Variants in CDH18 observed in about 807,000 individuals in gnomAD.
CDH18 encodes the protein cadherin-18.
Under a neutral mutation model 67.9 loss-of-function variants are expected in CDH18, and 31 were observed. The ratio of observed to expected loss-of-function variants is 0.46; its 90% confidence interval spans 0.34 to 0.62. The LOEUF (loss-of-function observed/expected upper bound fraction) is 0.62, where lower values mean the gene tolerates loss of function less well. Ranked by LOEUF, CDH18 falls within the 20% of genes least tolerant of loss-of-function variation. The probability of loss-of-function intolerance (pLI) is 0.01; values close to 1 mark genes in which losing one functional copy is unlikely to be tolerated. For synonymous variants in CDH18, 362 were observed against 347.2 expected (o/e 1.04, Z -0.48); for missense variants, 890 against 975.5 (o/e 0.91, Z 1.17).
chr5:19,947,915 T>C (rs953301116), intron 2 of CDH18, among the ~76,000 whole-genome samples: 2 of 152,086 alleles, frequency 1.3e-5, no homozygotes, highest in Non-Finnish European at 2.9e-5. Flanking sequence ...TATAATAAAC[T>C]CTCAAATCTC....
At chr5:20,096,814 G>A (rs1746029344) in intron 2 of CDH18, among the ~76,000 whole-genome samples, 3 of 151,906 alleles carry the variant, frequency 2.0e-5, no homozygotes, top group South Asian at 4.2e-4. Flanking sequence ...AGACCCAATG[G>A]GACAAATGAT....
chr5:19,692,536 A>T lies in CDH18; in HGVS notation c.643+28811T>A, dbSNP rs186542676. Among the ~76,000 whole-genome samples, 30 of 152,160 alleles carry T rather than the reference A, an allele frequency of 2.0e-4. 1 individual carries two copies. Among genetic ancestry groups the T allele is most frequent in the Admixed American group, 1.4e-3 (21 of 15,286 alleles). On this transcript the variant is annotated intron_variant, in intron 5 of 12. Transcript: ENST00000382275. ...GTAAGAAACTCAAATAATTCAGCGGAAAAAAACAAATGATCTAATTAAAAA... is the reference window on the plus strand; with the variant it reads ...GTAAGAAACTCAAATAATTCAGCGGTAAAAAACAAATGATCTAATTAAAAA...
In CDH18 at chr5:20,423,929, T is replaced by G. The variant is rs1295768640; in HGVS notation, c.-580+151533A>C. On this transcript the variant is annotated intron_variant, in intron 1 of 14. Transcript: ENST00000507958. Reference sequence around the variant, plus strand: ...GCCACTGCACTCCAGCCTGGGCGACTGAGCGAGACTCCGTCTCAAAAAAAA... The same window carrying G: ...GCCACTGCACTCCAGCCTGGGCGACGGAGCGAGACTCCGTCTCAAAAAAAA... Among the ~76,000 whole-genome samples, 4 of 109,984 alleles carry G rather than the reference T, an allele frequency of 3.6e-5. 1 individual carries two copies. The Admixed American group carries it at 5.4e-4, about 15-fold the overall frequency. The allele number at this position is 109,984 out of a possible 152,430, so 72.2% of individuals were successfully genotyped here.
At chr5:20,408,717 G>A (rs985549738) in intron 1 of CDH18, among the ~76,000 whole-genome samples, 3 of 151,778 alleles carry the variant, frequency 2.0e-5, no homozygotes, top group Non-Finnish European at 2.9e-5. Context: ...TTCATGAGAT[G>A]GGCATAGTAA....
chr5:20,307,845 C>T (rs1736607166), intron 1 of CDH18, among the ~76,000 whole-genome samples: 1 of 152,000 alleles, frequency 6.6e-6, no homozygotes, highest in Admixed American at 6.6e-5. Flanking sequence ...GACACAGGGT[C>T]TAATATTATT....
intron 12 of CDH18, among the ~76,000 whole-genome samples, chr5:19,479,239 T>C (rs1738992856): frequency 6.6e-6 from 1 of 152,162 alleles, no homozygotes; most frequent in South Asian, 2.1e-4. Flanking sequence ...ATAGCCATTT[T>C]CACAAACAAG....
chr5:19,937,487 G>T (rs1159526855), intron 2 of CDH18, among the ~76,000 whole-genome samples: 2 of 151,328 alleles, frequency 1.3e-5, no homozygotes, highest in Non-Finnish European at 3.0e-5. Context: ...AAAATAAACA[G>T]ACATTACAAT....
chr5:20,379,040 T>G (rs1743692431), intron 1 of CDH18, among the ~76,000 whole-genome samples: 1 of 152,124 alleles, frequency 6.6e-6, no homozygotes, highest in Non-Finnish European at 1.5e-5. Flanking sequence ...CACTCTATGT[T>G]TTATGGACAT....
intron 1 of CDH18, among the ~76,000 whole-genome samples, chr5:20,267,997 G>A (rs1032513551): frequency 2.0e-5 from 3 of 151,930 alleles, no homozygotes; most frequent in Admixed American, 6.6e-5. Flanking sequence ...TTCCCATCTT[G>A]ATATCAAGTG....
chr5:20,571,384 TA>T (rs1321948984), intron 1 of CDH18, among the ~76,000 whole-genome samples: 8 of 152,102 alleles, frequency 5.3e-5, no homozygotes, highest in African/African-American at 1.9e-4. Flanking sequence ...TAGAAGACAG[TA>T]AAGTCCTTAA....
intron 1 of CDH18, among the ~76,000 whole-genome samples, chr5:20,264,164 C>T (rs1744862945): frequency 6.6e-6 from 1 of 152,006 alleles, no homozygotes; most frequent in African/African-American, 2.4e-5. Context: ...CTAGTTAGTG[C>T]TAACTACAGA....
intron 9 of CDH18, among the ~76,000 whole-genome samples, chr5:19,538,274 T>C (rs1236910393): frequency 1.3e-5 from 2 of 152,156 alleles, no homozygotes; most frequent in Non-Finnish European, 2.9e-5. Context: ...CCACCTGGAC[T>C]TCTGACCTAC....
In CDH18 at chr5:20,231,180, T is replaced by C. The variant is rs79519512; in HGVS notation, c.-518+24264A>G. 5.0e-3 allele frequency among the ~76,000 whole-genome samples: 764 copies of C among 152,346 alleles called. 3 individuals carry two copies. The highest frequency in any genetic ancestry group is 8.0e-3 in the Non-Finnish European group (543 of 68,030). ...AAAATTGTATAAGTGATAAATTTTA[T>C]AGCTTTGCAACATTTAAAATATATC... On this transcript the variant is annotated intron_variant, in intron 2 of 14. Transcript: ENST00000507958.
At chr5:19,996,112 C>T (rs980158951) in intron 2 of CDH18, among the ~76,000 whole-genome samples, 1 of 152,038 alleles carries the variant, frequency 6.6e-6, no homozygotes, top group Non-Finnish European at 1.5e-5. Flanking sequence ...AATCATTGAT[C>T]TTTTCAGAAC....
intron 1 of CDH18, among the ~76,000 whole-genome samples, chr5:20,338,538 A>G (rs1580787675): frequency 1.3e-5 from 2 of 152,218 alleles, no homozygotes; most frequent in South Asian, 4.1e-4. Flanking sequence ...TATGATAGGG[A>G]AAAAGAAGAA....
At chr5:20,139,535 A>C (rs548889687) in intron 2 of CDH18, among the ~76,000 whole-genome samples, 1 of 152,320 alleles carries the variant, frequency 6.6e-6, no homozygotes, top group African/African-American at 2.4e-5. Flanking sequence ...CAGGTAACCT[A>C]CAGAATGGGA....
intron 3 of CDH18, among the ~76,000 whole-genome samples, chr5:19,815,046 CA>C (rs1779142484): frequency 6.6e-6 from 1 of 152,008 alleles, no homozygotes; most frequent in Non-Finnish European, 1.5e-5. Context: ...AATAAAATAT[CA>C]CTTATTCTCT....
intron 2 of CDH18, among the ~76,000 whole-genome samples, chr5:20,083,389 G>T (rs1248776674): frequency 1.3e-5 from 2 of 151,954 alleles, no homozygotes; most frequent in African/African-American, 4.8e-5. Context: ...TTGTTGTTTT[G>T]TTTCATTTTG....
chr5:20,034,835 A>G (rs1580087892), intron 2 of CDH18, among the ~76,000 whole-genome samples: 1 of 152,132 alleles, frequency 6.6e-6, no homozygotes. Flanking sequence ...TAAAGATTAG[A>G]TATAGATATA....
Sources: gnomAD v4.1 joint callset for allele counts (sites outside exome capture counted in the v4.1 genomes callset) on GRCh38, gnomAD v4.1.1 for gene constraint, MANE v1.5 for transcripts, NCBI Gene and HGNC (gene_info 2026-07-23, HGNC 2026-07-21) for gene names.